OSBPL6: variants seen among roughly 807,000 people sequenced by gnomAD.
OSBPL6 encodes the protein oxysterol-binding protein-related protein 6.
Under a neutral mutation model 125.8 loss-of-function variants are expected in OSBPL6, and 49 were observed. That is an observed-to-expected ratio of 0.39 (90% CI 0.31 to 0.49). The LOEUF is 0.49. Among genes scored for constraint, OSBPL6 ranks in the 20% least tolerant of loss-of-function variants. OSBPL6 has a pLI of 0.88. For synonymous variants in OSBPL6, 394 were observed against 391.8 expected (o/e 1.01, Z -0.07); for missense variants, 986 against 1,135.4 (o/e 0.87, Z 1.89).
At chr2:178,324,659 C>T (rs1688537531) in intron 4 of OSBPL6, among the ~76,000 whole-genome samples, 1 of 152,158 alleles carries the variant, frequency 6.6e-6, no homozygotes, top group Non-Finnish European at 1.5e-5. Context: ...TCACCGGACA[C>T]TATGAGAAGT....
At chr2:178,242,965 CAT>C (rs1187724729) in intron 1 of OSBPL6, among the ~76,000 whole-genome samples, 6 of 151,480 alleles carry the variant, frequency 4.0e-5, no homozygotes, top group African/African-American at 7.3e-5. Flanking sequence ...TTATTTATAA[CAT>C]ATATTTAATA....
At chr2:178,338,345 A>T (rs73032568) in intron 9 of OSBPL6, among the ~76,000 whole-genome samples, 1 of 152,144 alleles carries the variant, frequency 6.6e-6, no homozygotes, top group East Asian at 1.9e-4. Flanking sequence ...TAAACCAAAA[A>T]ATTTAAAAGA....
chr2:178,311,182 G>T (rs1037184831), intron 3 of OSBPL6, among the ~76,000 whole-genome samples: 3 of 152,068 alleles, frequency 2.0e-5, no homozygotes, highest in Admixed American at 6.6e-5. Flanking sequence ...CCTTTAAGTG[G>T]TTCTCTCCAG....
At chr2:178,302,343 T>C (rs1021567686) in intron 2 of OSBPL6, among the ~76,000 whole-genome samples, 3 of 152,236 alleles carry the variant, frequency 2.0e-5, no homozygotes, top group Non-Finnish European at 4.4e-5. Context: ...TTAAAATTTA[T>C]GGCCTTTCTT....
chr2:178,301,694 C>A (rs563875079), intron 2 of OSBPL6, among the ~76,000 whole-genome samples: 25 of 152,210 alleles, frequency 1.6e-4, no homozygotes, highest in African/African-American at 6.0e-4. Flanking sequence ...TCACCTAGGC[C>A]ATGTGACTCG....
chr2:178,288,742 G>A (rs975422797), intron 2 of OSBPL6, among the ~76,000 whole-genome samples: 8 of 151,402 alleles, frequency 5.3e-5, no homozygotes, highest in South Asian at 4.2e-4. Context: ...TCTGCCTCCC[G>A]AGTTCATGTG....
At chr2:178,194,838 GC>G (rs2088764836) in intron 1 of OSBPL6, among the ~76,000 whole-genome samples, 164 bp downstream of exon 1, 1 of 152,160 alleles carries the variant, frequency 6.6e-6, no homozygotes, top group Non-Finnish European at 1.5e-5. Context: ...CCCTGGAGGC[GC>G]CCCCGGCCGA....
At chr2:178,261,408 A>AG (rs1240576743) in intron 1 of OSBPL6, among the ~76,000 whole-genome samples, 6 of 151,808 alleles carry the variant, frequency 4.0e-5, no homozygotes, top group Admixed American at 6.6e-5. Flanking sequence ...AAAAAAAAAA[A>AG]CAAGGAAGAA....
intron 1 of OSBPL6, among the ~76,000 whole-genome samples, chr2:178,202,353 C>A (rs976759163): frequency 6.6e-6 from 1 of 152,054 alleles, no homozygotes; most frequent in Admixed American, 6.5e-5. Context: ...CTGAAAGTGT[C>A]TTTATTTTGC....
chr2:178,308,557 C>T (rs1686988118), intron 3 of OSBPL6, among the ~76,000 whole-genome samples: 1 of 152,184 alleles, frequency 6.6e-6, no homozygotes, highest in African/African-American at 2.4e-5. Context: ...GCCTTTCCTT[C>T]TCAAGTTCTA....
At chr2:178,302,302 G>A (rs1035702437) in intron 2 of OSBPL6, among the ~76,000 whole-genome samples, 3 of 152,154 alleles carry the variant, frequency 2.0e-5, no homozygotes, top group African/African-American at 7.2e-5. Flanking sequence ...TTCTCATTGA[G>A]TATAGTAATT....
At chr2:178,276,574 T>C (rs978977580) in intron 1 of OSBPL6, among the ~76,000 whole-genome samples, 2 of 152,074 alleles carry the variant, frequency 1.3e-5, no homozygotes, top group East Asian at 3.9e-4. Flanking sequence ...GGTTTCACCA[T>C]GTTGCCCAGG....
chr2:178,221,935 A>G (rs2090357791), intron 1 of OSBPL6, among the ~76,000 whole-genome samples: 1 of 152,162 alleles, frequency 6.6e-6, no homozygotes, highest in Non-Finnish European at 1.5e-5. Context: ...ATCACCAAGG[A>G]GTGCTGTGTT....
chr2:178,272,439 C>T (rs966413598), intron 1 of OSBPL6, among the ~76,000 whole-genome samples: 2 of 152,114 alleles, frequency 1.3e-5, no homozygotes, highest in Non-Finnish European at 2.9e-5. Context: ...AGCTCTTGAT[C>T]CAAGGCCCCA....
Position 178,328,384 on chromosome 2 carries a change from A to G in OSBPL6, c.318+6A>G. The G allele has an allele frequency of 6.2e-7, 1 of 1,611,590 alleles. No homozygotes were observed. The highest frequency in any genetic ancestry group is 1.1e-5 in the South Asian group (1 of 90,404). The stretch of plus-strand genomic sequence containing the variant: ...CTTTAAAAGGCTGGCACAAGGTAAC[A>G]TTTTTATCATATTCAGGTTCAGACC... On this transcript the variant is annotated splice_donor_region_variant and intron_variant, in intron 5 of 24. Transcript: ENST00000190611.
intron 1 of OSBPL6, among the ~76,000 whole-genome samples, chr2:178,270,364 A>G (rs905003549): frequency 6.6e-6 from 1 of 152,210 alleles, no homozygotes; most frequent in African/African-American, 2.4e-5. Context: ...AAAAGGTAAC[A>G]TTGAGCACTT....
Position 178,395,751 on chromosome 2 carries a change from T to C in OSBPL6, c.*192T>C. On this transcript the variant is annotated 3_prime_UTR_variant, in exon 25 of 25. Coordinates refer to ENST00000190611, the MANE Select transcript of OSBPL6 (RefSeq NM_032523.4). ...CCTAACCACTTTGGGATCCTTTCTG[T>C]TTTGCTGCAACCATATTCCTTAAAA... 1 of 557,712 alleles carries C rather than the reference T, an allele frequency of 1.8e-6. No homozygotes were observed. The highest frequency in any genetic ancestry group is 1.7e-5 in the South Asian group (1 of 57,812). 34.5% of individuals were successfully genotyped at this position (557,712 alleles called of 1,614,324 possible).
At chr2:178,281,139 A>G (rs1053490550) in intron 1 of OSBPL6, among the ~76,000 whole-genome samples, 2 of 151,568 alleles carry the variant, frequency 1.3e-5, no homozygotes, top group Non-Finnish European at 2.9e-5. Flanking sequence ...AGCCTCCCGA[A>G]TAGCTGGGAT....
At chr2:178,202,780 C>G (rs2089322153) in intron 1 of OSBPL6, among the ~76,000 whole-genome samples, 1 of 150,644 alleles carries the variant, frequency 6.6e-6, no homozygotes, top group African/African-American at 2.4e-5. Context: ...TGAGGTTGTG[C>G]CACTGTTTTC....
Sources: gnomAD v4.1 joint callset for allele counts (sites outside exome capture counted in the v4.1 genomes callset) on GRCh38, gnomAD v4.1.1 for gene constraint, MANE v1.5 for transcripts, NCBI Gene and HGNC (gene_info 2026-07-23, HGNC 2026-07-21) for gene names.